Variants in LINGO2 observed in about 807,000 individuals in gnomAD.
LINGO2 encodes leucine-rich repeat and immunoglobulin-like domain-containing nogo receptor-interacting protein 2.
A neutral mutation model predicts 30.6 loss-of-function variants in LINGO2; 14 were observed. The ratio of observed to expected loss-of-function variants is 0.46; its 90% confidence interval spans 0.30 to 0.72. The LOEUF (loss-of-function observed/expected upper bound fraction) is 0.72, where lower values mean the gene tolerates loss of function less well. LINGO2 is among the 30% of genes least tolerant of loss of function. LINGO2 has a pLI of 0.07. For synonymous variants in LINGO2, 317 were observed against 288.5 expected (o/e 1.10, Z -1.00); for missense variants, 729 against 751.7 (o/e 0.97, Z 0.35).
intron 5 of LINGO2, among the ~76,000 whole-genome samples, chr9:27,981,271 G>C (rs1388258561): frequency 6.6e-6 from 1 of 151,376 alleles, no homozygotes; most frequent in Non-Finnish European, 1.5e-5. Context: ...ATCTCACCTA[G>C]TCCTCTTAAC....
chr9:28,103,959 T>A (rs1417739021), intron 4 of LINGO2, among the ~76,000 whole-genome samples: 1 of 152,188 alleles, frequency 6.6e-6, no homozygotes, highest in East Asian at 1.9e-4. Context: ...CTTAAATTAC[T>A]TTTCCTTTGA....
At chr9:28,855,813 T>A in the LINGO2 span, among the ~76,000 whole-genome samples, 1 of 152,018 alleles carries the variant, frequency 6.6e-6, no homozygotes, top group East Asian at 1.9e-4. Context: ...CCCAGACCGG[T>A]TAAGGCAATT....
intron 2 of LINGO2, among the ~76,000 whole-genome samples, chr9:28,416,864 A>G (rs961268618): frequency 1.3e-5 from 2 of 152,206 alleles, no homozygotes; most frequent in African/African-American, 4.8e-5. Flanking sequence ...AATCTAATGT[A>G]TACATTTTCC....
the LINGO2 span, among the ~76,000 whole-genome samples, chr9:28,783,865 CTG>C: frequency 1.3e-5 from 2 of 152,316 alleles, no homozygotes; most frequent in South Asian, 4.1e-4. Context: ...GATCCAGTGT[CTG>C]GTGACAGCAC....
intron 4 of LINGO2, among the ~76,000 whole-genome samples, chr9:28,199,662 G>A (rs1026042018): frequency 4.6e-5 from 7 of 151,978 alleles, no homozygotes; most frequent in Admixed American, 1.3e-4. Context: ...AGGTGGCTCA[G>A]CTTGCTTCTC....
At chr9:28,182,538 T>C (rs1482890690) in intron 4 of LINGO2, among the ~76,000 whole-genome samples, 1 of 152,112 alleles carries the variant, frequency 6.6e-6, no homozygotes, top group Non-Finnish European at 1.5e-5. Flanking sequence ...ACCTACAGAA[T>C]GGGAGAATAT....
the LINGO2 span, among the ~76,000 whole-genome samples, chr9:29,198,672 A>T: frequency 1.3e-5 from 2 of 152,148 alleles, no homozygotes; most frequent in Non-Finnish European, 2.9e-5. Context: ...CTAGCTGAGC[A>T]GAGTGAATTG....
chr9:29,182,371 G>C, the LINGO2 span, among the ~76,000 whole-genome samples: 1 of 152,150 alleles, frequency 6.6e-6, no homozygotes, highest in Non-Finnish European at 1.5e-5. Flanking sequence ...TAAGATTTAA[G>C]CAAGAGGTGC....
chr9:28,615,254 T>G (rs1385760698), intron 1 of LINGO2, among the ~76,000 whole-genome samples: 1 of 152,150 alleles, frequency 6.6e-6, no homozygotes, highest in Non-Finnish European at 1.5e-5. Flanking sequence ...AATTCAATGA[T>G]ATGTACACTC....
intron 2 of LINGO2, among the ~76,000 whole-genome samples, chr9:28,387,338 C>T (rs1320357156): frequency 6.6e-6 from 1 of 152,154 alleles, no homozygotes; most frequent in Non-Finnish European, 1.5e-5. Flanking sequence ...CGCTCTGTGT[C>T]TAGCTAAAGA....
the LINGO2 span, among the ~76,000 whole-genome samples, chr9:28,929,610 C>T: frequency 6.6e-6 from 1 of 152,092 alleles, no homozygotes; most frequent in Non-Finnish European, 1.5e-5. Context: ...CAAAGGAAAC[C>T]ATAAATCTTT....
chr9:28,154,469 G>A (rs1828081586), intron 4 of LINGO2, among the ~76,000 whole-genome samples: 1 of 152,088 alleles, frequency 6.6e-6, no homozygotes, highest in Admixed American at 6.6e-5. Context: ...ACATGCCTAT[G>A]AGTAGGTTTT....
chr9:28,781,982 T>C, the LINGO2 span, among the ~76,000 whole-genome samples: 17 of 152,320 alleles, frequency 1.1e-4, 1 homozygote, highest in East Asian at 2.1e-3. Context: ...AATTTGATAT[T>C]TTCACAGTAA....
intron 4 of LINGO2, among the ~76,000 whole-genome samples, chr9:28,283,183 AC>A (rs1445199771): frequency 2.0e-5 from 3 of 152,182 alleles, no homozygotes; most frequent in Non-Finnish European, 4.4e-5. Flanking sequence ...TATTCAAATA[AC>A]TTTTAACTTG....
chr9:29,123,639 T>C, the LINGO2 span, among the ~76,000 whole-genome samples: 1 of 152,124 alleles, frequency 6.6e-6, no homozygotes, highest in Admixed American at 6.6e-5. Context: ...ATATTTCTGA[T>C]TTAAGACATA....
At chr9:28,988,413 G>A in the LINGO2 span, among the ~76,000 whole-genome samples, 1 of 152,026 alleles carries the variant, frequency 6.6e-6, no homozygotes, top group African/African-American at 2.4e-5. Flanking sequence ...TTCAGTCTAT[G>A]TGTGTCCCTG....
chr9:28,766,850 GAGAA>G, the LINGO2 span, among the ~76,000 whole-genome samples: 28 of 138,808 alleles, frequency 2.0e-4, no homozygotes, highest in Admixed American at 4.1e-4. Flanking sequence ...GAGAGAGAGA[GAGAA>G]AGAAAAAGAG....
the LINGO2 span, among the ~76,000 whole-genome samples, chr9:28,769,533 T>A: frequency 3.6e-4 from 24 of 67,256 alleles, no homozygotes; most frequent in African/African-American, 1.2e-3. Context: ...TTTTTTTTTT[T>A]TTTTTTTTTT....
At chr9:29,043,535 G>A in the LINGO2 span, among the ~76,000 whole-genome samples, 1 of 151,952 alleles carries the variant, frequency 6.6e-6, no homozygotes, top group African/African-American at 2.4e-5. Flanking sequence ...GTTCTAACAT[G>A]TATGTGTTGA....
Sources: allele counts gnomAD v4.1 joint callset (sites outside exome capture counted in the v4.1 genomes callset), GRCh38; gene constraint gnomAD v4.1.1; transcripts MANE v1.5; gene names NCBI Gene and HGNC (gene_info 2026-07-23, HGNC 2026-07-21).